SOX5: variants seen among roughly 807,000 people sequenced by gnomAD.
SOX5 encodes transcription factor SOX-5.
Under a neutral mutation model 92.0 loss-of-function variants are expected in SOX5, and 9 were observed. That is an observed-to-expected ratio of 0.10 (90% CI 0.06 to 0.17). The LOEUF is 0.17. SOX5 is among the 10% of genes least tolerant of loss of function. The pLI is 1.00. For synonymous variants in SOX5, 344 were observed against 336.3 expected, an observed-to-expected ratio of 1.02 and a Z score of -0.25; for missense variants, 642 against 944.5, an observed-to-expected ratio of 0.68 and a Z score of 4.20.
chr12:23,686,559 T>A lies in SOX5; in HGVS notation c.811-20995A>T, dbSNP rs375638234. ...GGGCTCTCAAACTGATTTTAATTATTCAAAAGAAAACTAGGAAATGGTTCA... is the reference window on the plus strand; with the variant it reads ...GGGCTCTCAAACTGATTTTAATTATACAAAAGAAAACTAGGAAATGGTTCA... On this transcript the variant is annotated intron_variant, in intron 6 of 14. Transcript: ENST00000451604. 5.1e-4 allele frequency among the ~76,000 whole-genome samples: 77 copies of A among 152,278 alleles called. 3 individuals are homozygous for A. In the South Asian group the frequency reaches 0.015, roughly 29 times the overall value.
chr12:24,398,799 C>G (rs1251028857), intron 1 of SOX5, among the ~76,000 whole-genome samples: 2 of 152,100 alleles, frequency 1.3e-5, no homozygotes, highest in African/African-American at 4.8e-5. Flanking sequence ...CAGAGAGTAG[C>G]TTCTGTCTCC....
At chr12:24,289,259 T>A (rs938341367) in intron 2 of SOX5, among the ~76,000 whole-genome samples, 3 of 149,176 alleles carry the variant, frequency 2.0e-5, no homozygotes, top group Middle Eastern at 3.5e-3. Context: ...CCAGCCTGGG[T>A]GACACGGTGA....
intron 1 of SOX5, among the ~76,000 whole-genome samples, chr12:23,948,298 C>A (rs1185691668): frequency 6.6e-6 from 1 of 151,610 alleles, no homozygotes; most frequent in Non-Finnish European, 1.5e-5. Flanking sequence ...ACTTTCTTCC[C>A]TGATTTGATA....
At chr12:24,468,381 G>T (rs1944444834) in intron 1 of SOX5, among the ~76,000 whole-genome samples, 1 of 152,052 alleles carries the variant, frequency 6.6e-6, no homozygotes, top group African/African-American at 2.4e-5. Flanking sequence ...AATTAAATTA[G>T]TTCATGTACA....
At chr12:24,043,234 C>A (rs182321526) in intron 4 of SOX5, among the ~76,000 whole-genome samples, 1 of 152,118 alleles carries the variant, frequency 6.6e-6, no homozygotes, top group East Asian at 1.9e-4. Flanking sequence ...TTTCTGTCAA[C>A]AGAAGACAAA....
intron 2 of SOX5, among the ~76,000 whole-genome samples, chr12:24,291,255 T>G (rs1333132280): frequency 6.6e-6 from 1 of 152,226 alleles, no homozygotes; most frequent in African/African-American, 2.4e-5. Context: ...AATTTAAATG[T>G]TATTTTCTGT....
At chr12:23,979,113 AT>A (rs527966486) in intron 4 of SOX5, among the ~76,000 whole-genome samples, 71 of 151,686 alleles carry the variant, frequency 4.7e-4, no homozygotes, top group African/African-American at 1.5e-3. Flanking sequence ...ATTAGGTATA[AT>A]TTTTTTTTAA....
chr12:23,533,303 GTCTCTC>G lies in SOX5; in HGVS notation c.*910_*915del, dbSNP rs148266789. 2.7e-5 allele frequency: 10 copies of G among 364,852 alleles called. No individual in the cohort carries two copies. The highest frequency in any genetic ancestry group is 2.4e-4 in the East Asian group (3 of 12,320). The allele number at this position is 364,852 out of a possible 1,614,324, so 22.6% of individuals were successfully genotyped here. On this transcript the variant is annotated 3_prime_UTR_variant, in exon 15 of 15. Coordinates refer to ENST00000451604, the MANE Select transcript of SOX5 (RefSeq NM_006940.6). ...AAATATTTTTCTCTAAATTTCTTAT[GTCTCTC>G]TCTCTCTCTCTCTTTTCACCTGAGA...
chr12:24,517,956 A>G (rs1299264679), intron 1 of SOX5, among the ~76,000 whole-genome samples: 1 of 152,222 alleles, frequency 6.6e-6, no homozygotes, highest in Non-Finnish European at 1.5e-5. Context: ...TGTAGTTTCA[A>G]CGTACAATAC....
intron 6 of SOX5, among the ~76,000 whole-genome samples, chr12:23,695,940 CAAAAA>C (rs71059917): frequency 8.4e-5 from 1 of 11,922 alleles, no homozygotes; most frequent in South Asian, 5.1e-3. Context: ...GACTCTGTCT[CAAAAA>C]AAAAAAAAAA....
At chr12:23,582,870 T>C (rs74482384) in intron 9 of SOX5, among the ~76,000 whole-genome samples, 3,338 of 152,212 alleles carry the variant, frequency 0.022, 108 homozygotes, top group African/African-American at 0.076. Flanking sequence ...TTTAATTTGC[T>C]GGCCCTTAAT....
chr12:23,779,932 T>C (rs1457538796), intron 3 of SOX5, among the ~76,000 whole-genome samples: 1 of 142,696 alleles, frequency 7.0e-6, no homozygotes, highest in Non-Finnish European at 1.5e-5. Flanking sequence ...TGTGTTTATG[T>C]GTGTGCATGA....
chr12:23,883,683 G>C (rs2097026200), intron 2 of SOX5, among the ~76,000 whole-genome samples: 1 of 152,102 alleles, frequency 6.6e-6, no homozygotes, highest in African/African-American at 2.4e-5. Context: ...GCAGTTTAAG[G>C]GTGAACTTAG....
chr12:24,035,104 GC>G (rs1955890668), intron 4 of SOX5, among the ~76,000 whole-genome samples: 1 of 152,020 alleles, frequency 6.6e-6, no homozygotes, highest in South Asian at 2.1e-4. Flanking sequence ...AATTATTAGT[GC>G]TCAATAGACA....
chr12:24,382,953 T>C (rs113164236), intron 1 of SOX5, among the ~76,000 whole-genome samples: 2,530 of 152,232 alleles, frequency 0.017, 60 homozygotes, highest in African/African-American at 0.057. Context: ...CAGGTAGTCA[T>C]GTGGATACGT....
At chr12:24,449,151 C>T (rs940559861) in intron 1 of SOX5, among the ~76,000 whole-genome samples, 13 of 152,170 alleles carry the variant, frequency 8.5e-5, no homozygotes, top group Non-Finnish European at 1.5e-5. Flanking sequence ...ATTCACAAAG[C>T]AATCAGAGGG....
intron 1 of SOX5, among the ~76,000 whole-genome samples, chr12:24,376,005 T>C (rs1161904519): frequency 6.6e-6 from 1 of 152,158 alleles, no homozygotes; most frequent in Non-Finnish European, 1.5e-5. Context: ...AACCAAGCAC[T>C]TCAATTTCCT....
Position 23,570,931 on chromosome 12 carries a change from ATATATATATATATATAT to A in SOX5, c.1342+4713_1342+4729del, listed in dbSNP as rs1159391934. Among the ~76,000 whole-genome samples, 85 of 16,790 alleles carry A rather than the reference ATATATATATATATATAT, an allele frequency of 5.1e-3. 6 individuals are homozygous for A. The highest frequency in any genetic ancestry group is 0.017 in the East Asian group (10 of 572). 11.0% of individuals were successfully genotyped at this position (16,790 alleles called of 152,430 possible). On this transcript the variant is annotated intron_variant, in intron 10 of 14. Transcript: ENST00000451604. Reference sequence around the variant, plus strand: ...AACTCAAAAAAAAAAAAAAAAAAAAATATATATATATATATATATATATATATATATATATATATATA... The same window carrying A: ...AACTCAAAAAAAAAAAAAAAAAAAAAATATATATATATATATATATATATA...
At chr12:23,803,075 C>A (rs1407566759) in intron 3 of SOX5, among the ~76,000 whole-genome samples, 1 of 152,156 alleles carries the variant, frequency 6.6e-6, no homozygotes, top group African/African-American at 2.4e-5. Flanking sequence ...CCAGAATTAG[C>A]TTCTCTACAA....
Sources: allele counts gnomAD v4.1 joint callset (sites outside exome capture counted in the v4.1 genomes callset), GRCh38; gene constraint gnomAD v4.1.1; transcripts MANE v1.5; gene names NCBI Gene and HGNC (gene_info 2026-07-23, HGNC 2026-07-21).